Variants in MID1 observed in about 807,000 individuals in gnomAD.
MID1 encodes midline 1.
MID1 carries 7 observed loss-of-function variants against 40.4 expected under a neutral mutation model. That is an observed-to-expected ratio of 0.17 (90% confidence interval 0.10 to 0.33). The LOEUF is 0.33. Ranked by LOEUF, MID1 falls within the 10% of genes least tolerant of loss-of-function variation. The pLI is 1.00. For missense variants in MID1, 367 were observed against 558.5 expected (o/e 0.66, Z 3.46); for synonymous variants, 229 against 221.2 (o/e 1.04, Z -0.31).
intron 1 of MID1, among the ~76,000 whole-genome samples, chrX:10,673,175 T>A (rs1478969715): frequency 9.0e-6 from 1 of 111,613 alleles, no homozygotes; most frequent in Non-Finnish European, 1.9e-5. Context: ...TGTGTTATGA[T>A]TTTCTTTCCC....
chrX:10,503,623 C>T (rs2147334309), intron 3 of MID1, among the ~76,000 whole-genome samples: 1 of 112,502 alleles, frequency 8.9e-6, no homozygotes, highest in East Asian at 2.8e-4. Flanking sequence ...AGTGATACAA[C>T]TAGAAGCTAC....
chrX:10,793,716 C>T (rs2043949454), intron 1 of MID1, among the ~76,000 whole-genome samples: 1 of 112,048 alleles, frequency 8.9e-6, no homozygotes, highest in Admixed American at 9.5e-5. Context: ...CTTTCTGCAC[C>T]AGCCTATGGG....
At chrX:10,534,854 A>G (rs1933180962) in intron 2 of MID1, among the ~76,000 whole-genome samples, 2 of 112,937 alleles carry the variant, frequency 1.8e-5, no homozygotes, top group Middle Eastern at 4.6e-3. Context: ...GACATCCTAC[A>G]GAATCAAAGA....
At chrX:10,687,406 G>A (rs2043106393) in intron 1 of MID1, among the ~76,000 whole-genome samples, 1 of 112,035 alleles carries the variant, frequency 8.9e-6, no homozygotes. Context: ...ATCGGCTTGG[G>A]ACTGCCAAAT....
At chrX:10,558,329 A>G (rs965516826) in intron 2 of MID1, among the ~76,000 whole-genome samples, 19 of 106,377 alleles carry the variant, frequency 1.8e-4, no homozygotes, top group Non-Finnish European at 2.8e-4. Context: ...CATAATCCAC[A>G]GATCTGTCAA....
chrX:10,649,086 T>G (rs1018529712), intron 1 of MID1, among the ~76,000 whole-genome samples: 1 of 112,129 alleles, frequency 8.9e-6, no homozygotes, highest in Non-Finnish European at 1.9e-5. Flanking sequence ...GCTCAAAACC[T>G]ATATTAAAAT....
intron 9 of MID1, 50 bp from the exon 10 acceptor site, chrX:10,449,766 G>A (rs745469624): frequency 1.1e-6 from 1 of 918,510 alleles, no homozygotes. Flanking sequence ...TGTTGCACAT[G>A]CACGTTAAAT....
chrX:10,633,884 G>A (rs1245321196), intron 1 of MID1, among the ~76,000 whole-genome samples: 1 of 111,446 alleles, frequency 9.0e-6, no homozygotes, highest in African/African-American at 3.3e-5. Context: ...CCCAATACTC[G>A]TTGCCTAAGA....
intron 1 of MID1, among the ~76,000 whole-genome samples, chrX:10,684,325 CGCTTGCTTGCTT>C (rs3081830): frequency 4.6e-5 from 5 of 109,532 alleles, no homozygotes; most frequent in Non-Finnish European, 9.5e-5. Context: ...TAAATTGTGC[CGCTTGCTTGCTT>C]GCTTGCTTGC....
intron 1 of MID1, among the ~76,000 whole-genome samples, chrX:10,733,435 C>A (rs185688585): frequency 0.011 from 1,173 of 110,488 alleles, 9 homozygotes; most frequent in Non-Finnish European, 0.017. Flanking sequence ...ATGTAATAAA[C>A]ATAAAAGAAA....
intron 1 of MID1, among the ~76,000 whole-genome samples, chrX:10,797,698 C>CA (rs1366427179): frequency 9.0e-6 from 1 of 111,566 alleles, no homozygotes; most frequent in Non-Finnish European, 1.9e-5. Flanking sequence ...GCCCTGATGT[C>CA]AAAGTAAACA....
intron 1 of MID1, among the ~76,000 whole-genome samples, chrX:10,744,868 G>A (rs2043548187): frequency 1.8e-5 from 2 of 111,815 alleles, no homozygotes; most frequent in South Asian, 7.5e-4. Flanking sequence ...ACAGTAATTG[G>A]TCCAATGGAT....
intron 1 of MID1, among the ~76,000 whole-genome samples, chrX:10,613,041 C>T (rs1012566290): frequency 3.6e-5 from 4 of 111,467 alleles, no homozygotes; most frequent in Non-Finnish European, 7.5e-5. Flanking sequence ...TTGGTGGTGC[C>T]GTCCATCTAT....
chrX:10,689,119 G>A (rs1013531586), intron 1 of MID1, among the ~76,000 whole-genome samples: 2 of 110,725 alleles, frequency 1.8e-5, no homozygotes, highest in African/African-American at 6.6e-5. Flanking sequence ...CCACTGAGGT[G>A]TTCAGACTTT....
At chrX:10,713,643 A>T (rs923172252) in intron 1 of MID1, among the ~76,000 whole-genome samples, 3 of 112,436 alleles carry the variant, frequency 2.7e-5, no homozygotes, top group Non-Finnish European at 5.6e-5. Flanking sequence ...TTTTTAAAGG[A>T]AGTTCTAGGT....
intron 2 of MID1, among the ~76,000 whole-genome samples, chrX:10,529,108 G>A (rs1268709908): frequency 9.0e-6 from 1 of 110,950 alleles, no homozygotes. Flanking sequence ...GTGTTGTATC[G>A]GTGCTTGTTA....
intron 1 of MID1, among the ~76,000 whole-genome samples, chrX:10,800,046 C>A (rs1051342332): frequency 9.0e-6 from 1 of 111,116 alleles, no homozygotes; most frequent in Admixed American, 9.6e-5. Flanking sequence ...ACCAAATGGT[C>A]CCTGCCTCCC....
At chrX:10,683,547 A>AAAAAAG (rs1225329626) in intron 1 of MID1, among the ~76,000 whole-genome samples, 19 of 110,268 alleles carry the variant, frequency 1.7e-4, no homozygotes, top group Non-Finnish European at 3.2e-4. Context: ...GATTAAAAAG[A>AAAAAAG]AAAAAGAAAA....
chrX:10,559,337 A>T (rs890768338), intron 2 of MID1, among the ~76,000 whole-genome samples: 1 of 112,381 alleles, frequency 8.9e-6, no homozygotes, highest in Admixed American at 9.4e-5. Flanking sequence ...AAATTAGTAC[A>T]AACAGAATTG....
Sources: gnomAD v4.1 joint callset for allele counts (sites outside exome capture counted in the v4.1 genomes callset) on GRCh38, gnomAD v4.1.1 for gene constraint, MANE v1.5 for transcripts, NCBI Gene and HGNC (gene_info 2026-07-23, HGNC 2026-07-21) for gene names.